GATAD2B: variants seen among roughly 807,000 people sequenced by gnomAD.
The protein encoded by GATAD2B is GATA zinc finger domain containing 2B.
Under a neutral mutation model 64.3 loss-of-function variants are expected in GATAD2B, and 8 were observed. The ratio of observed to expected loss-of-function variants is 0.12; its 90% CI spans 0.07 to 0.22. The LOEUF is 0.22. Among genes scored for constraint, GATAD2B ranks in the 10% least tolerant of loss-of-function variants. The pLI is 1.00. For synonymous variants in GATAD2B, 281 were observed against 271.3 expected (o/e 1.04, Z -0.35); for missense variants, 453 against 752.0 (o/e 0.60, Z 4.65).
chr1:153,844,419 TATA>T (rs1675611153), intron 1 of GATAD2B, among the ~76,000 whole-genome samples: 1 of 130,182 alleles, frequency 7.7e-6, no homozygotes, highest in Non-Finnish European at 1.6e-5. Flanking sequence ...CCTAACAAAT[TATA>T]AAAAAAAAAA....
chr1:153,868,755 T>A (rs1043697026), intron 1 of GATAD2B, among the ~76,000 whole-genome samples: 2 of 150,424 alleles, frequency 1.3e-5, no homozygotes, highest in Non-Finnish European at 3.0e-5. Context: ...TTTTTTTTTT[T>A]GAGAGATTCT....
At position 153,813,431 on chromosome 1, in the gene GATAD2B, A is replaced by G; in HGVS notation, c.1238T>C (p.Leu413Pro). 1 of 1,614,056 alleles carries G rather than the reference A, an allele frequency of 6.2e-7. No homozygotes were observed. The highest frequency in any genetic ancestry group is 1.3e-5 in the African/African-American group (1 of 75,048). The change falls in exon 8 of 11, where the codon CTG becomes CCG. Residue 413 changes from leucine (L) to proline (P), a missense_variant. Leu to Pro is a moderately conservative substitution (Grantham distance 98). This residue lies in a region of GATAD2B where 160 missense variants were observed against 334.7 expected (regional missense o/e 0.48). Transcript: ENST00000368655. The part of the protein sequence containing the change: ...DSQGKSCASL[L>P]RVEPFVCAQC... ...GGCACATACAAAGGGTTCAACCCGCAGAAGTGAGGCACAGCTTTTGCCTAG... is the reference window on the plus strand; with the variant it reads ...GGCACATACAAAGGGTTCAACCCGCGGAAGTGAGGCACAGCTTTTGCCTAG...
At chr1:153,815,876 A>T (rs1165128182) in intron 7 of GATAD2B, among the ~76,000 whole-genome samples, 1 of 152,118 alleles carries the variant, frequency 6.6e-6, no homozygotes. Flanking sequence ...AACATGATGA[A>T]ACCCCGTCTC....
chr1:153,908,782 G>GAAAAAA (rs1553199454), intron 1 of GATAD2B, among the ~76,000 whole-genome samples: 1 of 31,854 alleles, frequency 3.1e-5, no homozygotes, highest in African/African-American at 1.3e-4. Context: ...AACATACTTG[G>GAAAAAA]AAAAAAAAAA....
At chr1:153,887,905 G>A (rs1677234136) in intron 1 of GATAD2B, among the ~76,000 whole-genome samples, 1 of 152,132 alleles carries the variant, frequency 6.6e-6, no homozygotes, top group East Asian at 1.9e-4. Flanking sequence ...TGGCCAACAT[G>A]GTGAAACCCT....
Position 153,810,049 on chromosome 1 carries a change from T to G in GATAD2B, c.*128A>C. The G allele has an allele frequency of 1.1e-6, 1 of 875,586 alleles. No homozygotes were observed. The highest frequency in any genetic ancestry group is 2.8e-5 in the East Asian group (1 of 35,190). 54.2% of individuals were successfully genotyped at this position (875,586 alleles called of 1,614,324 possible). On this transcript the variant is annotated 3_prime_UTR_variant, in exon 11 of 11. Transcript: ENST00000368655. ...TTGCTGATCTCTATTTTTTGTCTTCTGTTTTTCTGTTTTGCTTTCCGTGTA... is the reference window on the plus strand; with the variant it reads ...TTGCTGATCTCTATTTTTTGTCTTCGGTTTTTCTGTTTTGCTTTCCGTGTA...
intron 1 of GATAD2B, among the ~76,000 whole-genome samples, chr1:153,882,394 A>G (rs1677035322): frequency 6.6e-6 from 1 of 152,152 alleles, no homozygotes; most frequent in African/African-American, 2.4e-5. Flanking sequence ...TACTAATAAG[A>G]CAGCAGGTGT....
intron 2 of GATAD2B, among the ~76,000 whole-genome samples, chr1:153,820,481 C>T (rs1674638839): frequency 6.6e-6 from 1 of 152,160 alleles, no homozygotes; most frequent in African/African-American, 2.4e-5. Flanking sequence ...ACAAGAATTC[C>T]GGAAACTCTA....
intron 1 of GATAD2B, chr1:153,853,019 C>A: frequency 2.2e-6 from 3 of 1,339,454 alleles, no homozygotes; most frequent in Non-Finnish European, 3.2e-6. Flanking sequence ...TCCATCAACC[C>A]TGTGATGAAT....
At chr1:153,901,845 AAATAAATAAATT>A (rs935367320) in intron 1 of GATAD2B, among the ~76,000 whole-genome samples, 19 of 150,348 alleles carry the variant, frequency 1.3e-4, no homozygotes, top group Admixed American at 2.0e-4. Flanking sequence ...ATAAATAAAT[AAATAAATAAATT>A]AAATAAAATG....
intron 1 of GATAD2B, among the ~76,000 whole-genome samples, chr1:153,868,283 A>T (rs1228128712): frequency 6.6e-6 from 1 of 152,220 alleles, no homozygotes; most frequent in East Asian, 1.9e-4. Context: ...CCATGTTAAC[A>T]TAACTTCTTT....
intron 1 of GATAD2B, among the ~76,000 whole-genome samples, chr1:153,900,062 T>C (rs1288561226): frequency 6.6e-6 from 1 of 152,128 alleles, no homozygotes; most frequent in Non-Finnish European, 1.5e-5. Context: ...TACAATGAAA[T>C]ATTATACAGT....
At chr1:153,811,012 G>C (rs1299099476) in intron 10 of GATAD2B, among the ~76,000 whole-genome samples, 1 of 152,082 alleles carries the variant, frequency 6.6e-6, no homozygotes, top group Non-Finnish European at 1.5e-5. Flanking sequence ...TAATCCACTC[G>C]CTTTGGCCTC....
chr1:153,891,574 T>TA (rs1163572311), intron 1 of GATAD2B, among the ~76,000 whole-genome samples: 2,667 of 19,888 alleles, frequency 0.13, 282 homozygotes, highest in East Asian at 0.5. Flanking sequence ...CTGTCTCGTT[T>TA]AAAAAAAAAA....
At chr1:153,824,506 G>C (rs1206270646) in intron 2 of GATAD2B, among the ~76,000 whole-genome samples, 1 of 151,118 alleles carries the variant, frequency 6.6e-6, no homozygotes, top group Admixed American at 6.6e-5. Context: ...CAGCTACTCA[G>C]GAGGCTGAGG....
At chr1:153,856,197 A>G (rs1323726390) in intron 1 of GATAD2B, among the ~76,000 whole-genome samples, 1 of 152,152 alleles carries the variant, frequency 6.6e-6, no homozygotes, top group Non-Finnish European at 1.5e-5. Context: ...TAATTTCCAC[A>G]TTTTAAGGTC....
chr1:153,898,311 A>AG (rs1229503463), intron 1 of GATAD2B, among the ~76,000 whole-genome samples: 1 of 149,384 alleles, frequency 6.7e-6, no homozygotes, highest in African/African-American at 2.5e-5. Context: ...TGTCTCAAAA[A>AG]AAAAAAAAAA....
At chr1:153,919,855 G>A (rs1678375517) in intron 1 of GATAD2B, among the ~76,000 whole-genome samples, 1 of 152,162 alleles carries the variant, frequency 6.6e-6, no homozygotes, top group Non-Finnish European at 1.5e-5. Context: ...ATTGTGCCTT[G>A]ATATGTAATA....
intron 1 of GATAD2B, among the ~76,000 whole-genome samples, chr1:153,912,026 TAG>T (rs1347541109): frequency 6.6e-6 from 1 of 152,224 alleles, no homozygotes; most frequent in Non-Finnish European, 1.5e-5. Context: ...GGAGCCAGAA[TAG>T]AAAGTTTAAT....
Sources: gnomAD v4.1 joint callset for allele counts (sites outside exome capture counted in the v4.1 genomes callset) on GRCh38, gnomAD v4.1.1 for gene constraint, gnomAD v4.1.1 regional missense constraint, MANE v1.5 for transcripts, NCBI Gene and HGNC (gene_info 2026-07-23, HGNC 2026-07-21) for gene names.